The following AK9 variants were observed in gnomAD, a reference collection of about 807,000 sequenced individuals.
AK9 encodes adenylate kinase 9.
Under a neutral mutation model 239.6 loss-of-function variants are expected in AK9, and 191 were observed. The observed-to-expected ratio is 0.80, with a 90% CI of 0.71 to 0.90. The LOEUF is 0.90. Among genes scored for constraint, AK9 ranks in the 40% least tolerant of loss-of-function variants. The pLI, the probability that AK9 is intolerant of heterozygous loss-of-function variation, is 0.00. For synonymous variants in AK9, 689 were observed against 721.0 expected, an observed-to-expected ratio of 0.96 and a Z score of 0.71; for missense variants, 1,995 against 2,214.7, an observed-to-expected ratio of 0.90 and a Z score of 1.99.
At chr6:109,581,091 A>C (rs1788799900) in intron 19 of AK9, among the ~76,000 whole-genome samples, 1 of 152,016 alleles carries the variant, frequency 6.6e-6, no homozygotes, top group Non-Finnish European at 1.5e-5. Flanking sequence ...CGGTGAACTT[A>C]ATTGATAGAT....
intron 32 of AK9, among the ~76,000 whole-genome samples, chr6:109,511,627 T>G (rs1778759917): frequency 6.6e-6 from 1 of 152,212 alleles, no homozygotes; most frequent in South Asian, 2.1e-4. Context: ...TGTGTGGAGA[T>G]AGCAGTGGGT....
At chr6:109,567,307 C>T (rs1236125972) in intron 21 of AK9, among the ~76,000 whole-genome samples, 2 of 152,050 alleles carry the variant, frequency 1.3e-5, no homozygotes, top group Non-Finnish European at 2.9e-5. Context: ...AACACTTCTA[C>T]GCAAATAAAC....
In AK9 at chr6:109,542,078, G is replaced by C. The variant is rs779494275; in HGVS notation, c.3319C>G (p.Leu1107Val). The change falls in exon 27 of 41, where the codon CTT (leucine) becomes GTT (valine). Residue 1107 changes from leucine (L) to valine (V), a missense_variant. Around this residue, in one of 5 missense-constraint regions of AK9, gnomAD observed 1,290 missense variants for 1,392.7 expected, o/e 0.93. Transcript: ENST00000424296. The part of the protein sequence containing the change: ...PLPPEILEVI[L>V]SEWWLKEPIR... ...GGTTCCTTAAGCCACCACTCAGAAA[G>C]AATTACTTCAAGAATTTCAGGAGGC... is the stretch of plus-strand genomic sequence containing the variant. The C allele has an allele frequency of 6.2e-7, 1 of 1,605,296 alleles. No homozygotes were observed. Among genetic ancestry groups the C allele is most frequent in the South Asian group, 1.1e-5 (1 of 90,290 alleles).
chr6:109,671,772 C>A, intron 5 of AK9, 147 bp downstream of exon 5: 2 of 630,568 alleles, frequency 3.2e-6, no homozygotes, highest in Non-Finnish European at 5.5e-6. Context: ...GCAAATAAAA[C>A]CATCTGAGCT....
chr6:109,606,308 G>A (rs1159779513), intron 17 of AK9, among the ~76,000 whole-genome samples: 1 of 151,588 alleles, frequency 6.6e-6, no homozygotes, highest in Non-Finnish European at 1.5e-5. Context: ...ATAGGAGACC[G>A]AGACTGGGGG....
intron 17 of AK9, among the ~76,000 whole-genome samples, chr6:109,599,037 T>C (rs1791508752): frequency 6.6e-6 from 1 of 152,240 alleles, no homozygotes; most frequent in Admixed American, 6.5e-5. Context: ...CTGTTCACTC[T>C]GATGGTAGTT....
In AK9 at chr6:109,509,303, G is replaced by T; in HGVS notation, c.4357C>A (p.His1453Asn). Reference sequence around the variant, plus strand: ...ATAAGTGCCAGCTCTGTTTCCGGGTGATTGTTTAGTACATAACGCAAAGCT... The same window carrying T: ...ATAAGTGCCAGCTCTGTTTCCGGGTTATTGTTTAGTACATAACGCAAAGCT... ...GGALRYVLNN[H>N]PETELALMLN... The change falls in exon 33 of 41, where the codon CAC (histidine) becomes AAC (asparagine). Residue 1453 changes from histidine (H) to asparagine (N), a missense_variant. His to Asn is a moderately conservative substitution (Grantham distance 68). Around this residue, in one of 5 missense-constraint regions of AK9, gnomAD observed 1,290 missense variants for 1,392.7 expected, o/e 0.93. Transcript: ENST00000424296. The T allele has an allele frequency of 6.4e-7, 1 of 1,551,716 alleles. No homozygotes were observed. The highest frequency in any genetic ancestry group is 8.7e-7 in the Non-Finnish European group (1 of 1,146,986).
intron 2 of AK9, 77 bp downstream of exon 2, chr6:109,675,552 T>C: frequency 1.0e-6 from 1 of 1,000,902 alleles, no homozygotes; most frequent in Non-Finnish European, 1.4e-6. Flanking sequence ...ATGTGGTTTT[T>C]ATTTTTATAT....
In AK9 at chr6:109,614,110, TATAAAC is replaced by T. The variant is rs1793882811; in HGVS notation, c.1609+67_1609+72del. On this transcript the variant is annotated intron_variant, in intron 15 of 40. Coordinates refer to ENST00000424296, the MANE Select transcript of AK9 (RefSeq NM_001145128.3). Reference sequence around the variant, plus strand: ...TTTTGGGGGTAATTTTAAGCATAAATATAAACATAATCAAATATGAAATAAATGAAA... The same window carrying T: ...TTTTGGGGGTAATTTTAAGCATAAATATAATCAAATATGAAATAAATGAAA... 7 of 1,408,116 alleles carry T rather than the reference TATAAAC, an allele frequency of 5.0e-6. 1 individual carries two copies. In the South Asian group the frequency reaches 7.6e-5, roughly 15 times the overall value. 87.2% of individuals were successfully genotyped at this position (1,408,116 alleles called of 1,614,324 possible). A position where few individuals can be genotyped will look rare whatever the true frequency, so the allele number is the denominator to read the frequency against.
intron 21 of AK9, among the ~76,000 whole-genome samples, chr6:109,569,201 T>C (rs1334954649): frequency 1.3e-5 from 2 of 152,082 alleles, no homozygotes; most frequent in East Asian, 3.9e-4. Flanking sequence ...ATTTAATAAA[T>C]GGTGCTGGGA....
intron 1 of AK9, among the ~76,000 whole-genome samples, chr6:109,687,053 C>A (rs553549310): frequency 4.7e-4 from 71 of 152,170 alleles, no homozygotes; most frequent in Non-Finnish European, 8.8e-4. Flanking sequence ...AAACAAAATT[C>A]ATGGATGAAT....
chr6:109,677,144 T>A (rs991304904), intron 1 of AK9, among the ~76,000 whole-genome samples: 1 of 152,166 alleles, frequency 6.6e-6, no homozygotes, highest in African/African-American at 2.4e-5. Flanking sequence ...TTGGGTACTA[T>A]GCTTATTATC....
chr6:109,564,273 T>C lies in AK9; in HGVS notation c.2442A>G (p.Leu814=). The C allele has an allele frequency of 6.5e-7, 1 of 1,545,570 alleles. No homozygotes were observed. ...GATAAGAGTCTTCTGGAAACTCAGGTAGTACAACTTTGGAGTAAAAGACAA... is the reference window on the plus strand; with the variant it reads ...GATAAGAGTCTTCTGGAAACTCAGGCAGTACAACTTTGGAGTAAAAGACAA... The part of the protein sequence containing the change: ...EIEKLSETVV[L]PEFPEDSYPD... Residue 814 remains leucine (L), a synonymous_variant, in exon 23 of 41, where the codon CTA becomes CTG. Coordinates refer to ENST00000424296, the MANE Select transcript of AK9 (RefSeq NM_001145128.3).
intron 29 of AK9, among the ~76,000 whole-genome samples, chr6:109,523,390 T>A (rs756010936): frequency 4.5e-4 from 69 of 152,170 alleles, no homozygotes; most frequent in Non-Finnish European, 8.5e-4. Flanking sequence ...CTAAACTTCA[T>A]GGCCTTGAAG....
intron 21 of AK9, among the ~76,000 whole-genome samples, chr6:109,572,958 T>A (rs954353409): frequency 6.6e-6 from 1 of 152,144 alleles, no homozygotes; most frequent in Non-Finnish European, 1.5e-5. Flanking sequence ...GAGTTAATGC[T>A]CTCATATTAA....
rs778351035 is a variant in AK9 at position 109,529,018 on chromosome 6, CT to C, written c.3625del (p.Arg1209GlyfsTer39). On this transcript the variant is annotated frameshift_variant, in exon 29 of 41. Transcript: ENST00000424296. LOFTEE classifies it high-confidence loss of function. ...AELILERDKK[R>X]RENVVRDDEE... ...AAAAACAAAACTACTTACCTCCCTC[CT>C]TTTTTTATCTCTCTCTAATATAAGT... The C allele has an allele frequency of 1.2e-6, 2 of 1,601,464 alleles. No individual in the cohort carries two copies. The highest frequency in any genetic ancestry group is 8.5e-7 in the Non-Finnish European group (1 of 1,175,700).
chr6:109,586,413 C>T (rs530578593), intron 17 of AK9, among the ~76,000 whole-genome samples: 4 of 152,022 alleles, frequency 2.6e-5, no homozygotes, highest in South Asian at 2.1e-4. Flanking sequence ...AATGAGACAA[C>T]GACAACCAAA....
chr6:109,565,684 T>A (rs1373630860), intron 21 of AK9, among the ~76,000 whole-genome samples: 2 of 152,144 alleles, frequency 1.3e-5, no homozygotes, highest in Non-Finnish European at 2.9e-5. Flanking sequence ...GCAGAGGTAG[T>A]TTCAGGGAAG....
Position 109,545,644 on chromosome 6 carries a change from T to C in AK9, c.3225+223A>G, listed in dbSNP as rs186433525. ...GTAAGTCCATTAAATGTCTTTCTTTTGTAAATTGCCTGGTCTCGGTATGTC... is the reference window on the plus strand; with the variant it reads ...GTAAGTCCATTAAATGTCTTTCTTTCGTAAATTGCCTGGTCTCGGTATGTC... On this transcript the variant is annotated intron_variant, in intron 26 of 40. Coordinates refer to ENST00000424296, the MANE Select transcript of AK9 (RefSeq NM_001145128.3). Among the ~76,000 whole-genome samples the C allele has an allele frequency of 3.6e-3, 552 of 152,228 alleles. 2 individuals are homozygous for C. The highest frequency in any genetic ancestry group is 6.0e-3 in the Non-Finnish European group (405 of 68,012).
Sources: allele counts gnomAD v4.1 joint callset (sites outside exome capture counted in the v4.1 genomes callset), GRCh38; gene constraint gnomAD v4.1.1; regional missense constraint gnomAD v4.1.1; transcripts MANE v1.5; gene names NCBI Gene and HGNC (gene_info 2026-07-23, HGNC 2026-07-21).